The following PCDH11X variants were observed in gnomAD, a reference collection of about 807,000 sequenced individuals.
The protein encoded by PCDH11X is protocadherin 11 X-linked.
PCDH11X carries 18 observed loss-of-function variants against 53.3 expected under a neutral mutation model. The ratio of observed to expected loss-of-function variants is 0.34; its 90% CI spans 0.23 to 0.50. The LOEUF (loss-of-function observed/expected upper bound fraction) is 0.50. PCDH11X is among the 20% of genes least tolerant of loss of function. PCDH11X has a pLI of 0.98. For missense variants in PCDH11X, 570 were observed against 1,032.4 expected, an observed-to-expected ratio of 0.55 and a Z score of 6.14; for synonymous variants, 279 against 393.3, an observed-to-expected ratio of 0.71 and a Z score of 3.44.
At chrX:91,974,409 G>T (rs1481618915) in intron 6 of PCDH11X, among the ~76,000 whole-genome samples, 2 of 111,709 alleles carry the variant, frequency 1.8e-5, no homozygotes, top group Non-Finnish European at 3.8e-5. Context: ...AAGTGGTCAG[G>T]GTTTGCTCAT....
intron 1 of PCDH11X, among the ~76,000 whole-genome samples, chrX:91,804,554 AGTT>A (rs1936035192): frequency 9.3e-6 from 1 of 107,140 alleles, no homozygotes; most frequent in Non-Finnish European, 1.9e-5. Context: ...CATGTATAAA[AGTT>A]GTGGATTTCT....
At chrX:92,448,239 C>T (rs911551537) in intron 9 of PCDH11X, among the ~76,000 whole-genome samples, 12 of 109,809 alleles carry the variant, frequency 1.1e-4, no homozygotes, top group Non-Finnish European at 1.7e-4. Context: ...AATGTTAAGA[C>T]GTGAGATTTG....
At chrX:92,413,078 T>C (rs922642749) in intron 9 of PCDH11X, among the ~76,000 whole-genome samples, 2 of 86,075 alleles carry the variant, frequency 2.3e-5, no homozygotes, top group African/African-American at 8.9e-5. Context: ...GTCAAGCTGC[T>C]TCTTTCAAAG....
rs765482790 is a variant in PCDH11X at position 92,186,935 on chromosome X, G to A, written c.3034-14440G>A. On this transcript the variant is annotated intron_variant, in intron 6 of 10. Coordinates refer to ENST00000682573, the MANE Select transcript of PCDH11X (RefSeq NM_032968.5). ...GTATCAAAATATCACATTGTTCCCC[G>A]TAAGTTATGTGTCAACTAAAACGTT... Among the ~76,000 whole-genome samples, 93 of 111,644 alleles carry A rather than the reference G, an allele frequency of 8.3e-4. 1 individual carries two copies. Among genetic ancestry groups the A allele is most frequent in the Non-Finnish European group, 1.5e-3 (78 of 53,147 alleles).
intron 5 of PCDH11X, among the ~76,000 whole-genome samples, chrX:91,865,995 CT>C (rs1302908744): frequency 9.2e-6 from 1 of 108,934 alleles, no homozygotes; most frequent in African/African-American, 3.4e-5. Flanking sequence ...CTCTGCTCCC[CT>C]GTTGCCATGC....
At chrX:92,325,919 T>C (rs1372298065) in intron 8 of PCDH11X, among the ~76,000 whole-genome samples, 2 of 112,281 alleles carry the variant, frequency 1.8e-5, no homozygotes, top group African/African-American at 6.5e-5. Flanking sequence ...GCCACAGTGC[T>C]AATAATTGAT....
intron 4 of PCDH11X, among the ~76,000 whole-genome samples, chrX:91,816,743 A>C (rs765863785): frequency 2.9e-4 from 32 of 111,439 alleles, no homozygotes; most frequent in African/African-American, 1.0e-3. Context: ...ATGGATTAAG[A>C]GTGAAAGGGT....
intron 8 of PCDH11X, among the ~76,000 whole-genome samples, chrX:92,295,878 G>A (rs1160049597): frequency 8.3e-5 from 9 of 108,736 alleles, no homozygotes; most frequent in Non-Finnish European, 1.7e-4. Context: ...TCTGGAGTTC[G>A]AGACCAGTCT....
intron 6 of PCDH11X, among the ~76,000 whole-genome samples, chrX:91,907,399 A>C (rs867264616): frequency 1.4e-4 from 9 of 62,874 alleles, no homozygotes; most frequent in African/African-American, 4.8e-4. Flanking sequence ...ACACACACAC[A>C]CACACACACA....
chrX:92,402,102 C>T (rs772447934), intron 9 of PCDH11X, among the ~76,000 whole-genome samples: 1 of 110,782 alleles, frequency 9.0e-6, no homozygotes, highest in African/African-American at 3.3e-5. Flanking sequence ...ACCTGATATA[C>T]AGTCTAGGTT....
intron 4 of PCDH11X, among the ~76,000 whole-genome samples, chrX:91,824,921 G>A (rs1238878761): frequency 9.3e-6 from 1 of 107,737 alleles, no homozygotes; most frequent in Non-Finnish European, 1.9e-5. Context: ...CAGGTCTGTC[G>A]GAGTACCCTG....
chrX:91,914,415 C>T (rs1245552037), intron 6 of PCDH11X, among the ~76,000 whole-genome samples: 1 of 111,034 alleles, frequency 9.0e-6, no homozygotes, highest in Admixed American at 9.6e-5. Flanking sequence ...CTCTGAATTG[C>T]CAGATAAACA....
intron 10 of PCDH11X, among the ~76,000 whole-genome samples, chrX:92,580,881 G>A (rs1200359416): frequency 9.9e-5 from 11 of 110,832 alleles, no homozygotes; most frequent in Admixed American, 9.6e-5. Context: ...CCCTTGCCCC[G>A]TGTGGCTCCT....
At chrX:92,565,699 A>G (rs1430489526) in intron 10 of PCDH11X, among the ~76,000 whole-genome samples, 1 of 107,860 alleles carries the variant, frequency 9.3e-6, no homozygotes, top group Non-Finnish European at 1.9e-5. Context: ...AACAATTAGA[A>G]AAAACGAATA....
chrX:92,265,449 G>A (rs2067809251), intron 8 of PCDH11X, among the ~76,000 whole-genome samples: 1 of 110,751 alleles, frequency 9.0e-6, no homozygotes, highest in Non-Finnish European at 1.9e-5. Flanking sequence ...AGTTAAAAAT[G>A]GGCAACTGTG....
intron 6 of PCDH11X, among the ~76,000 whole-genome samples, chrX:92,129,360 C>T (rs933672723): frequency 6.3e-5 from 7 of 111,670 alleles, no homozygotes; most frequent in African/African-American, 2.3e-4. Flanking sequence ...CATTGCACTA[C>T]AGCCTGGGCA....
chrX:91,931,171 G>A (rs2147838917), intron 6 of PCDH11X, among the ~76,000 whole-genome samples: 1 of 108,689 alleles, frequency 9.2e-6, no homozygotes, highest in East Asian at 3.0e-4. Flanking sequence ...GTGTGCGTGT[G>A]TGTGTATATG....
chrX:91,852,701 C>T (rs1004719444), intron 5 of PCDH11X, among the ~76,000 whole-genome samples: 5 of 111,260 alleles, frequency 4.5e-5, no homozygotes, highest in African/African-American at 1.6e-4. Context: ...GTCTTATGCA[C>T]TGCAGGAAGT....
chrX:92,530,540 T>C (rs1338712771), intron 10 of PCDH11X, among the ~76,000 whole-genome samples: 1 of 112,260 alleles, frequency 8.9e-6, no homozygotes, highest in African/African-American at 3.2e-5. Flanking sequence ...AAAGATACTA[T>C]GGCCTCTAGT....
Sources: allele counts gnomAD v4.1 joint callset (sites outside exome capture counted in the v4.1 genomes callset), GRCh38; gene constraint gnomAD v4.1.1; transcripts MANE v1.5; gene names NCBI Gene and HGNC (gene_info 2026-07-23, HGNC 2026-07-21).